The following GSE1 variants were observed in gnomAD, a reference collection of about 807,000 sequenced individuals.
The protein encoded by GSE1 is Gse1 coiled-coil protein.
GSE1 carries 32 observed loss-of-function variants against 112.6 expected under a neutral mutation model. The ratio of observed to expected loss-of-function variants is 0.28; its 90% CI spans 0.21 to 0.38. GSE1 has a LOEUF of 0.38. GSE1 is among the 10% of genes least tolerant of loss of function. The pLI is 1.00. For synonymous variants in GSE1, 1,115 were observed against 735.6 expected (o/e 1.52, Z -8.35); for missense variants, 2,348 against 1,699.2 (o/e 1.38, Z -6.71).
rs572424348 is a variant in GSE1 at position 85,632,058 on chromosome 16, G to T, written c.8-1856G>T. On this transcript the variant is annotated intron_variant, in intron 1 of 15. Transcript: ENST00000253458. Reference sequence around the variant, plus strand: ...GCCCGCATTTTCTGGAAGTGAGGCTGCCAGGCAGAGCCCCCGCCCTCCCGC... The same window carrying T: ...GCCCGCATTTTCTGGAAGTGAGGCTTCCAGGCAGAGCCCCCGCCCTCCCGC... Among the ~76,000 whole-genome samples, 8 of 152,360 alleles carry T rather than the reference G, an allele frequency of 5.3e-5. No individual in the cohort carries two copies. In the East Asian group the frequency reaches 1.5e-3, roughly 29 times the overall value.
At chr16:85,496,281 G>T (rs1293458831) in intron 2 of GSE1, among the ~76,000 whole-genome samples, 1 of 152,250 alleles carries the variant, frequency 6.6e-6, no homozygotes, top group Admixed American at 6.5e-5. Context: ...GCGATGGGCC[G>T]CCCCTCGCGG....
At chr16:85,530,593 G>A (rs73269213) in intron 2 of GSE1, among the ~76,000 whole-genome samples, 2,339 of 152,266 alleles carry the variant, frequency 0.015, 50 homozygotes, top group African/African-American at 0.054. Flanking sequence ...TGACATGCCT[G>A]CGACCCACTC....
intron 2 of GSE1, among the ~76,000 whole-genome samples, chr16:85,482,541 G>C (rs2050713271): frequency 6.6e-6 from 1 of 152,146 alleles, no homozygotes; most frequent in South Asian, 2.1e-4. Flanking sequence ...GTCCTTACCT[G>C]GGGGCTTAAT....
At chr16:85,235,557 CTA>C (rs201630800) in intron 1 of GSE1, among the ~76,000 whole-genome samples, 6,052 of 93,860 alleles carry the variant, frequency 0.064, 434 homozygotes, top group Admixed American at 0.27. Context: ...GATAAAGGGA[CTA>C]TATGTGTGTG....
intron 1 of GSE1, among the ~76,000 whole-genome samples, chr16:85,558,831 T>A (rs1201216886): frequency 6.6e-6 from 1 of 152,102 alleles, no homozygotes; most frequent in Non-Finnish European, 1.5e-5. Flanking sequence ...GGTTAACGCA[T>A]TGAGAGTGAT....
intron 1 of GSE1, among the ~76,000 whole-genome samples, chr16:85,219,598 A>G (rs1005299843): frequency 7.2e-5 from 11 of 152,200 alleles, no homozygotes; most frequent in African/African-American, 2.7e-4. Context: ...AAATGTTCTC[A>G]TTCTGCTTCC....
chr16:85,184,958 T>C (rs1228977049), intron 1 of GSE1, among the ~76,000 whole-genome samples: 1 of 152,216 alleles, frequency 6.6e-6, no homozygotes, highest in African/African-American at 2.4e-5. Flanking sequence ...GGTAGCAGTG[T>C]TCAAATTGTC....
In GSE1 at chr16:85,364,773, G is replaced by A. The variant is rs545534824; in HGVS notation, c.2464+7130G>A. Among the ~76,000 whole-genome samples the A allele has an allele frequency of 2.6e-5, 4 of 152,218 alleles. No homozygotes were observed. In the East Asian group the frequency reaches 5.8e-4, roughly 22 times the overall value. ...GGACCAGCTCACACCCCACCCAGACGCACGGGGAGCAGGACAGCAGCCACT... is the reference window on the plus strand; with the variant it reads ...GGACCAGCTCACACCCCACCCAGACACACGGGGAGCAGGACAGCAGCCACT... On this transcript the variant is annotated intron_variant, in intron 2 of 2. Transcript: ENST00000637419.
intron 1 of GSE1, among the ~76,000 whole-genome samples, chr16:85,563,971 C>T (rs1598198501): frequency 6.6e-6 from 1 of 152,250 alleles, no homozygotes; most frequent in Non-Finnish European, 1.5e-5. Context: ...CAAGCCTCCC[C>T]TTCCCAAGCA....
In GSE1 at chr16:85,673,464, T is replaced by G. The variant is rs1262936165; in HGVS notation, c.*925T>G. 1 of 146,304 alleles carries G rather than the reference T, an allele frequency of 6.8e-6. No homozygotes were observed. The highest frequency in any genetic ancestry group is 2.5e-5 in the African/African-American group (1 of 39,692). The allele number at this position is 146,304 out of a possible 1,614,324, so 9.1% of individuals were successfully genotyped here. On this transcript the variant is annotated 3_prime_UTR_variant, in exon 16 of 16. Transcript: ENST00000253458. Reference sequence around the variant, plus strand: ...TGTTTGGGGGTTTTGTTTGTTGTTTTGGTTTTTTTTGGGCAAAAAAAAAAA... The same window carrying G: ...TGTTTGGGGGTTTTGTTTGTTGTTTGGGTTTTTTTTGGGCAAAAAAAAAAA...
chr16:85,297,489 A>G (rs16975495), intron 1 of GSE1, among the ~76,000 whole-genome samples: 18,199 of 151,986 alleles, frequency 0.12, 1,261 homozygotes, highest in African/African-American at 0.16. Flanking sequence ...ATGTCTAGCT[A>G]TTGTGTTTTT....
chr16:85,547,718 TA>T (rs2044749267), intron 2 of GSE1, among the ~76,000 whole-genome samples: 1 of 151,268 alleles, frequency 6.6e-6, no homozygotes, highest in South Asian at 2.1e-4. Context: ...CTGTCTCTAC[TA>T]AAAATACAAA....
At chr16:85,603,266 G>C (rs994810269) in intron 1 of GSE1, among the ~76,000 whole-genome samples, 2 of 152,208 alleles carry the variant, frequency 1.3e-5, no homozygotes, top group Non-Finnish European at 2.9e-5. Context: ...AGAGGGCACC[G>C]TGTCCGTGGA....
At chr16:85,372,219 G>A (rs1021159982) in intron 2 of GSE1, among the ~76,000 whole-genome samples, 2 of 152,144 alleles carry the variant, frequency 1.3e-5, no homozygotes, top group Non-Finnish European at 2.9e-5. Flanking sequence ...CCTGGCGGGC[G>A]CGGTGGCTTG....
chr16:85,354,162 T>G (rs1028297914), intron 1 of GSE1, among the ~76,000 whole-genome samples: 4 of 152,226 alleles, frequency 2.6e-5, no homozygotes, highest in Non-Finnish European at 5.9e-5. Context: ...ATAGTACTTG[T>G]CATCTGTGCT....
chr16:85,318,427 C>G (rs555423248), intron 1 of GSE1, among the ~76,000 whole-genome samples: 22 of 152,220 alleles, frequency 1.4e-4, no homozygotes, highest in Middle Eastern at 3.4e-3. Flanking sequence ...CTATGCCTGG[C>G]TAATTTTTTT....
At chr16:85,396,680 C>T (rs1334962072) in intron 2 of GSE1, among the ~76,000 whole-genome samples, 1 of 152,246 alleles carries the variant, frequency 6.6e-6, no homozygotes, top group East Asian at 1.9e-4. Flanking sequence ...CAGGACCCCA[C>T]AACGGGGCAG....
At chr16:85,590,462 C>G (rs542758605) in intron 1 of GSE1, among the ~76,000 whole-genome samples, 1 of 144,166 alleles carries the variant, frequency 6.9e-6, no homozygotes, top group African/African-American at 2.6e-5. Context: ...ATTGTGTGAG[C>G]GTGTGTGACA....
chr16:85,569,693 G>A (rs558265918), intron 1 of GSE1, among the ~76,000 whole-genome samples: 3 of 152,182 alleles, frequency 2.0e-5, no homozygotes, highest in Non-Finnish European at 4.4e-5. Context: ...GGGTATATGC[G>A]GATGACTGCC....
Sources: allele counts gnomAD v4.1 joint callset (sites outside exome capture counted in the v4.1 genomes callset), GRCh38; gene constraint gnomAD v4.1.1; transcripts MANE v1.5; gene names NCBI Gene and HGNC (gene_info 2026-07-23, HGNC 2026-07-21).